The following STPG2 variants were observed in gnomAD, a reference collection of about 807,000 sequenced individuals.
The protein encoded by STPG2 is sperm-tail PG-rich repeat-containing protein 2.
Under a neutral mutation model 54.2 loss-of-function variants are expected in STPG2, and 56 were observed. The observed-to-expected ratio is 1.03, with a 90% CI of 0.83 to 1.29. STPG2 has a LOEUF of 1.29. Among genes scored for constraint, STPG2 ranks in the 50% most tolerant of loss-of-function variants. The pLI, the probability that STPG2 is intolerant of heterozygous loss-of-function variation, is 0.00. For synonymous variants in STPG2, 200 were observed against 181.8 expected, an observed-to-expected ratio of 1.10 and a Z score of -0.81; for missense variants, 596 against 544.9, an observed-to-expected ratio of 1.09 and a Z score of -0.93.
chr4:97,649,014 T>C (rs749540378), intron 10 of STPG2, among the ~76,000 whole-genome samples: 7 of 152,106 alleles, frequency 4.6e-5, no homozygotes, highest in Non-Finnish European at 8.8e-5. Flanking sequence ...ATTCAGAACA[T>C]GGTACTTGAC....
chr4:97,915,954 G>C (rs187328322), intron 8 of STPG2, among the ~76,000 whole-genome samples: 1 of 152,208 alleles, frequency 6.6e-6, no homozygotes, highest in African/African-American at 2.4e-5. Flanking sequence ...GGTCACTGGT[G>C]ATAGCAGATG....
intron 10 of STPG2, among the ~76,000 whole-genome samples, chr4:97,703,082 C>T (rs372417074): frequency 9.9e-5 from 15 of 151,914 alleles, no homozygotes; most frequent in East Asian, 5.8e-4. Flanking sequence ...CTTGGTTCTC[C>T]GCATATGGTC....
At chr4:98,141,552 A>C (rs1263449274) in intron 1 of STPG2, among the ~76,000 whole-genome samples, 4 of 152,182 alleles carry the variant, frequency 2.6e-5, no homozygotes, top group Non-Finnish European at 5.9e-5. Flanking sequence ...AAATGTTTAA[A>C]TTTACCTATA....
At chr4:97,799,744 G>T (rs935814103) in intron 9 of STPG2, among the ~76,000 whole-genome samples, 1 of 150,770 alleles carries the variant, frequency 6.6e-6, no homozygotes, top group African/African-American at 2.5e-5. Context: ...TGCTAGGTTG[G>T]CGAAGTTTTC....
chr4:97,783,378 A>G (rs1037902996), intron 9 of STPG2, among the ~76,000 whole-genome samples: 1 of 152,188 alleles, frequency 6.6e-6, no homozygotes, highest in East Asian at 1.9e-4. Context: ...AGATGAGATA[A>G]CATCTCACAC....
At chr4:97,965,870 C>T (rs905287222) in intron 7 of STPG2, among the ~76,000 whole-genome samples, 1 of 152,168 alleles carries the variant, frequency 6.6e-6, no homozygotes, top group African/African-American at 2.4e-5. Context: ...AGGTCACCAA[C>T]ATCAAAGACC....
chr4:97,832,961 A>G (rs1187696697), intron 9 of STPG2, among the ~76,000 whole-genome samples: 1 of 152,176 alleles, frequency 6.6e-6, no homozygotes, highest in Non-Finnish European at 1.5e-5. Context: ...ATTCCATGCT[A>G]TCCCCATTAA....
chr4:97,735,521 A>G (rs2149030251), intron 9 of STPG2, among the ~76,000 whole-genome samples: 1 of 150,470 alleles, frequency 6.6e-6, no homozygotes, highest in African/African-American at 2.4e-5. Context: ...CCTGTAACGA[A>G]AAGGGAGAAT....
intron 9 of STPG2, among the ~76,000 whole-genome samples, chr4:97,781,863 C>G (rs1056560327): frequency 6.6e-6 from 1 of 152,104 alleles, no homozygotes; most frequent in Non-Finnish European, 1.5e-5. Context: ...GCAGAAGAGG[C>G]CTTTGACAAA....
rs1219424836 is a variant in STPG2 at position 97,787,981 on chromosome 4, A to G, written c.1204+52792T>C. On this transcript the variant is annotated intron_variant, in intron 9 of 10. Transcript: ENST00000295268. ...GTAGGTGTATAGATTTATGGGGTACATAACACAGTTTGATGCAAACACACA... is the reference window on the plus strand; with the variant it reads ...GTAGGTGTATAGATTTATGGGGTACGTAACACAGTTTGATGCAAACACACA... Among the ~76,000 whole-genome samples the G allele has an allele frequency of 5.3e-5, 8 of 151,942 alleles. No individual in the cohort carries two copies. The East Asian group carries it at 1.3e-3, about 26-fold the overall frequency.
At chr4:98,057,804 A>G (rs568241292) in intron 5 of STPG2, among the ~76,000 whole-genome samples, 57 of 152,328 alleles carry the variant, frequency 3.7e-4, no homozygotes, top group Non-Finnish European at 6.9e-4. Context: ...GCAGCTAGAG[A>G]GAAAAGTCAG....
At position 97,461,600 on chromosome 4, in the gene STPG2, G is replaced by A. The variant is rs72885583; in HGVS notation, c.462+251099C>T. ...ATCTCAGATTTCTAGCAAACTGCGA[G>A]AAAAAGAATTCTGTTGTTTATAACC... On this transcript the variant is annotated intron_variant, in intron 4 of 4. Transcript: ENST00000522676. Among the ~76,000 whole-genome samples, 416 of 152,242 alleles carry A rather than the reference G, an allele frequency of 2.7e-3. 1 individual carries two copies. The highest frequency in any genetic ancestry group is 9.7e-3 in the African/African-American group (402 of 41,554).
chr4:98,134,805 T>C (rs1740094743), intron 1 of STPG2, among the ~76,000 whole-genome samples: 1 of 151,838 alleles, frequency 6.6e-6, no homozygotes, highest in Admixed American at 6.6e-5. Flanking sequence ...ACCATTGTTT[T>C]ATATTTTTAA....
At chr4:97,791,271 C>A (rs1311403345) in intron 9 of STPG2, among the ~76,000 whole-genome samples, 1 of 152,112 alleles carries the variant, frequency 6.6e-6, no homozygotes, top group Non-Finnish European at 1.5e-5. Context: ...TCTCTGAAAG[C>A]ATGTACCCTG....
chr4:97,783,987 C>T (rs1578561061), intron 9 of STPG2, among the ~76,000 whole-genome samples: 1 of 150,554 alleles, frequency 6.6e-6, no homozygotes, highest in Non-Finnish European at 1.5e-5. Flanking sequence ...TTAATGGGGG[C>T]AGCACACCAA....
intron 9 of STPG2, among the ~76,000 whole-genome samples, chr4:97,723,372 C>G (rs1028338090): frequency 2.6e-5 from 4 of 152,038 alleles, no homozygotes; most frequent in Admixed American, 1.3e-4. Flanking sequence ...TTATTGGATA[C>G]TGTGTTCACT....
intron 10 of STPG2, among the ~76,000 whole-genome samples, chr4:97,596,424 A>G (rs1733295843): frequency 6.6e-6 from 1 of 152,158 alleles, no homozygotes; most frequent in Non-Finnish European, 1.5e-5. Flanking sequence ...CCTAACAGAC[A>G]TCTACTGAAC....
At chr4:97,747,446 C>T (rs974603928) in intron 9 of STPG2, among the ~76,000 whole-genome samples, 3 of 151,364 alleles carry the variant, frequency 2.0e-5, no homozygotes, top group African/African-American at 7.3e-5. Context: ...CAGCACAAGA[C>T]ATACAATTTA....
At position 97,559,126 on chromosome 4, in the gene STPG2, T is replaced by C; in HGVS notation, c.1321-9A>G. The stretch of plus-strand genomic sequence containing the variant: ...TTTTTCTCCTGGGATATCTGTTTAA[T>C]AAGAATGAGAAAAAAAGGAGGAAAA... On this transcript the variant is annotated splice_polypyrimidine_tract_variant and intron_variant, in intron 10 of 10. Transcript: ENST00000295268. The C allele has an allele frequency of 1.9e-6, 3 of 1,575,902 alleles. No homozygotes were observed. The highest frequency in any genetic ancestry group is 2.6e-6 in the Non-Finnish European group (3 of 1,159,584).
Sources: gnomAD v4.1 joint callset for allele counts (sites outside exome capture counted in the v4.1 genomes callset) on GRCh38, gnomAD v4.1.1 for gene constraint, MANE v1.5 for transcripts, NCBI Gene and HGNC (gene_info 2026-07-23, HGNC 2026-07-21) for gene names.